The following PTPRD variants were observed in gnomAD, a reference collection of about 807,000 sequenced individuals.
PTPRD encodes protein tyrosine phosphatase receptor type D, also known as receptor-type tyrosine-protein phosphatase delta.
In PTPRD, 34 loss-of-function variants were observed where a neutral mutation model predicts 214.5. That is an observed-to-expected ratio of 0.16 (90% CI 0.12 to 0.21). The LOEUF (loss-of-function observed/expected upper bound fraction) is 0.21. Ranked by LOEUF, PTPRD falls within the 10% of genes least tolerant of loss-of-function variation. The pLI is 1.00. For synonymous variants in PTPRD, 1,128 were observed against 845.7 expected (o/e 1.33, Z -5.79); for missense variants, 2,545 against 2,398.7 (o/e 1.06, Z -1.27).
chr9:9,727,646 G>A (rs1023007246), intron 7 of PTPRD, among the ~76,000 whole-genome samples: 10 of 151,974 alleles, frequency 6.6e-5, no homozygotes, highest in African/African-American at 2.4e-4. Context: ...TACCCTGAGG[G>A]GCAATTATGA....
intron 8 of PTPRD, among the ~76,000 whole-genome samples, chr9:9,548,439 G>A (rs1384347725): frequency 3.9e-5 from 5 of 129,844 alleles, no homozygotes; most frequent in African/African-American, 8.8e-5. Flanking sequence ...ACGGAGTCTC[G>A]CTTTGTCATC....
intron 14 of PTPRD, among the ~76,000 whole-genome samples, chr9:8,597,499 A>T (rs1462146530): frequency 6.7e-6 from 1 of 150,186 alleles, no homozygotes; most frequent in Admixed American, 6.6e-5. Context: ...AAAAGCAAAA[A>T]TATCAAAATA....
At chr9:8,808,204 C>G (rs1261477918) in intron 11 of PTPRD, among the ~76,000 whole-genome samples, 2 of 152,106 alleles carry the variant, frequency 1.3e-5, no homozygotes, top group Admixed American at 6.5e-5. Context: ...GTCAAGGATG[C>G]CACCATACCA....
intron 10 of PTPRD, among the ~76,000 whole-genome samples, chr9:9,164,544 A>C (rs188488772): frequency 1.3e-4 from 20 of 152,292 alleles, no homozygotes; most frequent in Admixed American, 1.1e-3. Context: ...GTAGGAGGGT[A>C]TTATACTGCC....
intron 3 of PTPRD, among the ~76,000 whole-genome samples, chr9:10,083,181 TTC>T (rs2098271705): frequency 6.6e-6 from 1 of 152,008 alleles, no homozygotes; most frequent in Admixed American, 6.6e-5. Context: ...CCAGAAATTG[TTC>T]TCTTATTATT....
chr9:9,463,083 C>A (rs975478607), intron 8 of PTPRD, among the ~76,000 whole-genome samples: 10 of 152,084 alleles, frequency 6.6e-5, no homozygotes, highest in African/African-American at 2.2e-4. Flanking sequence ...TTCGAAGAGA[C>A]TAAATAGGAA....
intron 9 of PTPRD, among the ~76,000 whole-genome samples, chr9:9,191,343 G>C (rs773061813): frequency 1.3e-5 from 2 of 152,064 alleles, no homozygotes; most frequent in African/African-American, 4.8e-5. Flanking sequence ...TGCTGAACTT[G>C]AGTGTGGATC....
chr9:8,808,243 G>T (rs560747264), intron 11 of PTPRD, among the ~76,000 whole-genome samples: 2 of 152,212 alleles, frequency 1.3e-5, no homozygotes, highest in South Asian at 2.1e-4. Flanking sequence ...TAGTTAAAGG[G>T]GAATGGTGTG....
At chr9:10,567,709 T>G (rs1414693217) in intron 2 of PTPRD, among the ~76,000 whole-genome samples, 1 of 151,898 alleles carries the variant, frequency 6.6e-6, no homozygotes, top group Non-Finnish European at 1.5e-5. Flanking sequence ...CCTTTGGTTT[T>G]TCTACTACCA....
At chr9:9,171,210 G>A (rs543765442) in intron 10 of PTPRD, among the ~76,000 whole-genome samples, 1 of 152,186 alleles carries the variant, frequency 6.6e-6, no homozygotes, top group South Asian at 2.1e-4. Flanking sequence ...GCTAAATGGG[G>A]CATTGAGAGG....
chr9:9,776,116 T>G (rs533943463), intron 5 of PTPRD, among the ~76,000 whole-genome samples: 9 of 152,254 alleles, frequency 5.9e-5, no homozygotes, highest in African/African-American at 2.2e-4. Flanking sequence ...CATGCCCACA[T>G]TTAGCCATGC....
intron 5 of PTPRD, among the ~76,000 whole-genome samples, chr9:9,773,721 C>T (rs1297238825): frequency 6.6e-6 from 1 of 152,104 alleles, no homozygotes; most frequent in Non-Finnish European, 1.5e-5. Flanking sequence ...GTCATGAATG[C>T]CAATTTATGC....
At chr9:9,823,520 C>A (rs2051541477) in intron 5 of PTPRD, among the ~76,000 whole-genome samples, 1 of 151,856 alleles carries the variant, frequency 6.6e-6, no homozygotes, top group South Asian at 2.1e-4. Flanking sequence ...CCAAACTATA[C>A]CAATATACTA....
intron 3 of PTPRD, among the ~76,000 whole-genome samples, chr9:10,036,066 A>G (rs772951931): frequency 3.3e-5 from 5 of 152,172 alleles, no homozygotes; most frequent in Non-Finnish European, 7.4e-5. Flanking sequence ...GATATTCAAC[A>G]TTGGTATCTG....
At chr9:10,450,265 CATAA>C (rs1011072287) in intron 2 of PTPRD, among the ~76,000 whole-genome samples, 34 of 151,436 alleles carry the variant, frequency 2.2e-4, no homozygotes, top group South Asian at 6.3e-4. Flanking sequence ...AATAAATAAA[CATAA>C]ATAAATAAAA....
At chr9:9,842,182 C>T (rs985389124) in intron 5 of PTPRD, among the ~76,000 whole-genome samples, 1 of 151,304 alleles carries the variant, frequency 6.6e-6, no homozygotes, top group African/African-American at 2.4e-5. Context: ...TTTTCTTTTA[C>T]AAGGCTTTTC....
At chr9:8,419,462 AC>A (rs578004734) in intron 35 of PTPRD, among the ~76,000 whole-genome samples, 45 of 152,076 alleles carry the variant, frequency 3.0e-4, no homozygotes, top group Non-Finnish European at 6.2e-4. Context: ...CGAACAAAAA[AC>A]AAAAAGCCTA....
At chr9:9,339,906 A>G (rs910168380) in intron 9 of PTPRD, among the ~76,000 whole-genome samples, 6 of 152,182 alleles carry the variant, frequency 3.9e-5, no homozygotes, top group Admixed American at 3.3e-4. Context: ...ATATATAATC[A>G]TAAATATGAA....
At chr9:9,810,081 T>A (rs1014609761) in intron 5 of PTPRD, among the ~76,000 whole-genome samples, 1 of 141,424 alleles carries the variant, frequency 7.1e-6, no homozygotes, top group Non-Finnish European at 1.5e-5. Context: ...CTCTTCAGGC[T>A]ACTCAGTGTA....
Sources: gnomAD v4.1 joint callset for allele counts (sites outside exome capture counted in the v4.1 genomes callset) on GRCh38, gnomAD v4.1.1 for gene constraint, MANE v1.5 for transcripts, NCBI Gene and HGNC (gene_info 2026-07-23, HGNC 2026-07-21) for gene names.